CHST9: variants seen among roughly 807,000 people sequenced by gnomAD.
CHST9 encodes the protein carbohydrate sulfotransferase 9, also known as GalNAc-4-sulfotransferase 2.
CHST9 carries 41 observed loss-of-function variants against 44.4 expected under a neutral mutation model. That is an observed-to-expected ratio of 0.92 (90% CI 0.72 to 1.20). The LOEUF is 1.20. Among genes scored for constraint, CHST9 ranks in the 50% most tolerant of loss-of-function variants. The pLI is 0.00. For missense variants in CHST9, 504 were observed against 516.5 expected (o/e 0.98, Z 0.23); for synonymous variants, 171 against 178.4 (o/e 0.96, Z 0.33).
At chr18:27,132,415 C>A (rs866457974) in intron 2 of CHST9, among the ~76,000 whole-genome samples, 9 of 152,288 alleles carry the variant, frequency 5.9e-5, no homozygotes, top group South Asian at 4.1e-4. Flanking sequence ...GCACCCCACC[C>A]CAAACCAAGC....
intron 1 of CHST9, among the ~76,000 whole-genome samples, chr18:27,175,545 GA>G (rs2058861613): frequency 6.6e-6 from 1 of 152,034 alleles, no homozygotes; most frequent in Admixed American, 6.6e-5. Context: ...GAAATAGAAC[GA>G]GGAGTATGAT....
At chr18:26,966,739 C>T (rs2056470201) in intron 4 of CHST9, among the ~76,000 whole-genome samples, 2 of 152,048 alleles carry the variant, frequency 1.3e-5, no homozygotes, top group African/African-American at 4.8e-5. Context: ...GGAGAAGATC[C>T]CAAGTTGTTA....
intron 2 of CHST9, among the ~76,000 whole-genome samples, chr18:27,112,689 C>T (rs2058283280): frequency 6.6e-6 from 1 of 151,144 alleles, no homozygotes; most frequent in South Asian, 2.1e-4. Context: ...AACTTCCTGA[C>T]ACAAAACTCT....
intron 4 of CHST9, among the ~76,000 whole-genome samples, chr18:26,969,376 C>CTGTGTGTG (rs1208856677): frequency 1.5e-3 from 139 of 95,692 alleles, no homozygotes; most frequent in African/African-American, 4.0e-3. Flanking sequence ...CTCTCTCTCT[C>CTGTGTGTG]TGTGTGTGTG....
chr18:27,013,321 C>T (rs16943178), intron 4 of CHST9, among the ~76,000 whole-genome samples: 19,553 of 152,148 alleles, frequency 0.13, 1,368 homozygotes, highest in East Asian at 0.26. Context: ...GAGCCCTTTA[C>T]GCACAACATT....
intron 5 of CHST9, 76 bp downstream of exon 5, chr18:26,944,253 C>T: frequency 4.3e-6 from 5 of 1,152,952 alleles, no homozygotes; most frequent in Non-Finnish European, 3.9e-6. Context: ...TACCCCCTGC[C>T]TTTTTTATAT....
intron 4 of CHST9, among the ~76,000 whole-genome samples, chr18:26,963,139 A>C (rs1303063149): frequency 6.6e-6 from 1 of 152,146 alleles, no homozygotes; most frequent in Non-Finnish European, 1.5e-5. Context: ...AAACAAACAA[A>C]AACACTCATG....
At chr18:26,961,379 C>T (rs574780824) in intron 4 of CHST9, among the ~76,000 whole-genome samples, 2 of 151,824 alleles carry the variant, frequency 1.3e-5, no homozygotes, top group Admixed American at 1.3e-4. Context: ...CACGTTAAGG[C>T]CGGGTGGGAA....
At chr18:27,158,935 C>T (rs546665253) in intron 1 of CHST9, among the ~76,000 whole-genome samples, 370 of 152,242 alleles carry the variant, frequency 2.4e-3, no homozygotes, top group African/African-American at 7.9e-3. Flanking sequence ...TCATATCCTT[C>T]GCCCACTTTT....
chr18:26,985,299 C>G (rs993563658), intron 4 of CHST9, among the ~76,000 whole-genome samples: 3 of 152,170 alleles, frequency 2.0e-5, no homozygotes, highest in Non-Finnish European at 4.4e-5. Context: ...TGAGAAGAGA[C>G]TTTTGCTTCT....
chr18:26,997,788 A>G (rs759733989), intron 4 of CHST9, among the ~76,000 whole-genome samples: 2 of 152,160 alleles, frequency 1.3e-5, no homozygotes, highest in Non-Finnish European at 2.9e-5. Flanking sequence ...CACTGTCTTC[A>G]AGGCCTGGGA....
chr18:27,075,012 C>CT (rs1282627973), intron 2 of CHST9, among the ~76,000 whole-genome samples: 2 of 138,102 alleles, frequency 1.4e-5, no homozygotes, highest in African/African-American at 2.9e-5. Flanking sequence ...CTATGTTTTT[C>CT]TTTTTTTTAT....
intron 5 of CHST9, among the ~76,000 whole-genome samples, chr18:26,917,925 A>G (rs1034427106): frequency 1.3e-5 from 2 of 152,118 alleles, no homozygotes; most frequent in Non-Finnish European, 2.9e-5. Context: ...ATTTATCACA[A>G]TAATTTAAGA....
At chr18:27,169,579 G>A (rs2058817816) in intron 1 of CHST9, among the ~76,000 whole-genome samples, 1 of 141,996 alleles carries the variant, frequency 7.0e-6, no homozygotes, top group African/African-American at 2.6e-5. Context: ...TTTCCAAAAT[G>A]TATAAAACAT....
At chr18:26,979,840 T>A (rs1296027495) in intron 4 of CHST9, among the ~76,000 whole-genome samples, 1 of 152,186 alleles carries the variant, frequency 6.6e-6, no homozygotes, top group Non-Finnish European at 1.5e-5. Flanking sequence ...AAACTATAAT[T>A]TCCTTAAAAA....
At chr18:27,030,257 T>C (rs1009381437) in intron 3 of CHST9, among the ~76,000 whole-genome samples, 3 of 152,210 alleles carry the variant, frequency 2.0e-5, no homozygotes, top group African/African-American at 7.2e-5. Flanking sequence ...TTATGGACTT[T>C]GAAAAATAGC....
intron 1 of CHST9, among the ~76,000 whole-genome samples, chr18:27,145,527 G>T (rs376479666): frequency 2.0e-5 from 3 of 152,172 alleles, no homozygotes; most frequent in East Asian, 3.8e-4. Flanking sequence ...ACCTGGAAGG[G>T]GCCAGGGTAA....
chr18:26,962,249 C>T (rs1204343960), intron 4 of CHST9, among the ~76,000 whole-genome samples: 1 of 151,666 alleles, frequency 6.6e-6, no homozygotes, highest in Admixed American at 6.6e-5. Context: ...TACTATCTTC[C>T]GTGGTCTGCT....
At chr18:27,144,367 T>G (rs573833711) in intron 1 of CHST9, among the ~76,000 whole-genome samples, 57 of 152,272 alleles carry the variant, frequency 3.7e-4, no homozygotes, top group South Asian at 6.2e-4. Flanking sequence ...AAGGATAATA[T>G]TTAGGTATTC....
Sources: gnomAD v4.1 joint callset for allele counts (sites outside exome capture counted in the v4.1 genomes callset) on GRCh38, gnomAD v4.1.1 for gene constraint, MANE v1.5 for transcripts, NCBI Gene and HGNC (gene_info 2026-07-23, HGNC 2026-07-21) for gene names.